The following GLT1D1 variants were observed in gnomAD, a reference collection of about 807,000 sequenced individuals.
GLT1D1 encodes glycosyltransferase 1 domain containing 1, also known as glycosyltransferase 1 domain-containing protein 1.
Under a neutral mutation model 28.7 loss-of-function variants are expected in GLT1D1, and 21 were observed. The ratio of observed to expected loss-of-function variants is 0.73; its 90% CI spans 0.52 to 1.05. The LOEUF (loss-of-function observed/expected upper bound fraction) is 1.05. GLT1D1 is among the 50% of genes least tolerant of loss of function. The pLI, the probability that GLT1D1 is intolerant of heterozygous loss-of-function variation, is 0.00. For synonymous variants in GLT1D1, 147 were observed against 124.8 expected, an observed-to-expected ratio of 1.18 and a Z score of -1.19; for missense variants, 343 against 330.6, an observed-to-expected ratio of 1.04 and a Z score of -0.29.
At chr12:128,871,255 T>G (rs115013332) in intron 1 of GLT1D1, among the ~76,000 whole-genome samples, 2 of 152,214 alleles carry the variant, frequency 1.3e-5, no homozygotes, top group African/African-American at 2.4e-5. Flanking sequence ...TTTTGTGTGA[T>G]GTATTTTATA....
intron 4 of GLT1D1, chr12:128,944,883 G>T: frequency 2.6e-6 from 1 of 384,840 alleles, no homozygotes. Flanking sequence ...GTGCCATGGT[G>T]GTTTGCTGCA....
chr12:128,983,390 T>C lies in GLT1D1; in HGVS notation c.*300T>C. 2.9e-6 allele frequency: 1 copy of C among 341,178 alleles called. No individual in the cohort carries two copies. Among genetic ancestry groups the C allele is most frequent in the Non-Finnish European group, 5.4e-6 (1 of 183,944 alleles). The allele number at this position is 341,178 out of a possible 1,614,324, so 21.1% of individuals were successfully genotyped here. ...CAGGGAATTTGGGAGAGAATTTGAT[T>C]ACCTGCCTTAGGGCTTTGGTGTGGA... On this transcript the variant is annotated 3_prime_UTR_variant, in exon 8 of 8. Coordinates refer to ENST00000281703, the MANE Select transcript of GLT1D1 (RefSeq NM_144669.3). This position sits in a 1 kb window ranked among gnomAD's most constrained non-coding sequence, Gnocchi z 4.7.
At chr12:128,937,962 AC>A (rs1258776225) in intron 4 of GLT1D1, among the ~76,000 whole-genome samples, 1 of 152,206 alleles carries the variant, frequency 6.6e-6, no homozygotes, top group Non-Finnish European at 1.5e-5. Context: ...GAATACGGAC[AC>A]GGTTGGGGTA....
At chr12:128,921,194 G>GTT (rs58436712) in intron 4 of GLT1D1, among the ~76,000 whole-genome samples, 1 of 144,066 alleles carries the variant, frequency 6.9e-6, no homozygotes, top group African/African-American at 2.5e-5. Flanking sequence ...CTTTCTTTTA[G>GTT]TTTTTTTTTT....
intron 4 of GLT1D1, among the ~76,000 whole-genome samples, chr12:128,938,183 G>T (rs1874757596): frequency 6.6e-6 from 1 of 152,290 alleles, no homozygotes; most frequent in Admixed American, 6.5e-5. Context: ...CTGAGCTTCA[G>T]TGTCTTCATT....
In GLT1D1 at chr12:128,875,899, T is replaced by C. The variant is rs1371199877; in HGVS notation, c.69-15T>C. On this transcript the variant is annotated splice_polypyrimidine_tract_variant and intron_variant, in intron 1 of 7. Coordinates refer to ENST00000281703, the MANE Select transcript of GLT1D1 (RefSeq NM_144669.3). ...TTCCCCTCATCTTCTCCTTTCTCTG[T>C]ATTTTTTGATAAAGGGCCCATCTAG... 3 of 1,609,478 alleles carry C rather than the reference T, an allele frequency of 1.9e-6. No individual in the cohort carries two copies. The highest frequency in any genetic ancestry group is 1.7e-5 in the Admixed American group (1 of 58,976).
At chr12:128,908,283 ATTTC>A (rs1474893292) in intron 4 of GLT1D1, among the ~76,000 whole-genome samples, 4 of 151,084 alleles carry the variant, frequency 2.6e-5, no homozygotes, top group Non-Finnish European at 5.9e-5. Context: ...TAGTTTCAAC[ATTTC>A]TTTCTCATCT....
intron 4 of GLT1D1, among the ~76,000 whole-genome samples, chr12:128,917,257 A>C (rs1231554951): frequency 6.6e-6 from 1 of 152,152 alleles, no homozygotes; most frequent in Non-Finnish European, 1.5e-5. Flanking sequence ...TTAGTCAATA[A>C]CTTTGTTTCA....
At chr12:128,959,412 G>GGGC (rs1555219949) in intron 7 of GLT1D1, among the ~76,000 whole-genome samples, 1 of 17,678 alleles carries the variant, frequency 5.7e-5, no homozygotes, top group Non-Finnish European at 9.0e-5. Context: ...ATGAGGCAGT[G>GGGC]GGGGGGGACG....
rs963240896 is a variant in GLT1D1, at chr12:128,853,585, C to A, written c.4C>A (p.Arg2=). ...TGGCCCGGGCGGCGGCGGCGGCATG[C>A]GGCTCCTGTTCCTGGCGGTGCTGCG... is the stretch of plus-strand genomic sequence containing the variant. Residue 2 remains arginine (R), a synonymous_variant, in exon 1 of 8, where the codon CGG becomes AGG. Transcript: ENST00000281703. 4 of 1,135,790 alleles carry A rather than the reference C, an allele frequency of 3.5e-6. No homozygotes were observed. Among genetic ancestry groups the A allele is most frequent in the African/African-American group, 3.3e-5 (2 of 60,080 alleles). The allele number at this position is 1,135,790 out of a possible 1,614,324, so 70.4% of individuals were successfully genotyped here.
At chr12:128,920,639 T>C (rs1039384301) in intron 4 of GLT1D1, among the ~76,000 whole-genome samples, 3 of 152,174 alleles carry the variant, frequency 2.0e-5, no homozygotes, top group South Asian at 4.1e-4. Context: ...TCAGCGTGGA[T>C]TGGGTTTCTG....
At chr12:128,945,114 G>A (rs559170782) in intron 4 of GLT1D1, 144 of 717,620 alleles carry the variant, frequency 2.0e-4, no homozygotes, top group East Asian at 7.2e-4. Context: ...GCTTTAGCTC[G>A]AAGTATTGAG....
intron 1 of GLT1D1, among the ~76,000 whole-genome samples, chr12:128,874,124 CTCTTT>C (rs1956807366): frequency 2.5e-5 from 1 of 39,232 alleles, no homozygotes; most frequent in African/African-American, 1.1e-4. Flanking sequence ...CTCTCTCTCT[CTCTTT>C]CTTTCTTTCT....
At chr12:128,882,270 C>T (rs1055750173) in intron 2 of GLT1D1, among the ~76,000 whole-genome samples, 1 of 148,094 alleles carries the variant, frequency 6.8e-6, no homozygotes, top group Admixed American at 6.8e-5. Context: ...GCAGGTATAA[C>T]GCAATTTTTT....
At chr12:128,944,948 GC>G in intron 4 of GLT1D1, 3 of 538,400 alleles carry the variant, frequency 5.6e-6, no homozygotes, top group Non-Finnish European at 9.9e-6. Flanking sequence ...CCCTCCTCCA[GC>G]CCCCGACCCC....
intron 4 of GLT1D1, among the ~76,000 whole-genome samples, chr12:128,940,439 C>T (rs923949322): frequency 6.6e-6 from 1 of 152,170 alleles, no homozygotes; most frequent in Non-Finnish European, 1.5e-5. Context: ...AACTGACACG[C>T]AGAGAGGTCC....
At chr12:128,980,177 T>A (rs1032444830) in intron 7 of GLT1D1, among the ~76,000 whole-genome samples, 9 of 152,198 alleles carry the variant, frequency 5.9e-5, no homozygotes, top group Non-Finnish European at 1.0e-4. Context: ...TTTGCCATAT[T>A]CTGTTGGTTG....
chr12:128,946,640 T>C, intron 5 of GLT1D1, among the ~76,000 whole-genome samples: 1 of 53,132 alleles, frequency 1.9e-5, no homozygotes, highest in African/African-American at 9.5e-5. Context: ...GCCTCCTTTT[T>C]TTTTTTTTTT....
intron 4 of GLT1D1, chr12:128,944,693 A>G: frequency 1.5e-6 from 1 of 679,056 alleles, no homozygotes; most frequent in Admixed American, 1.9e-5. Flanking sequence ...TCCAACAGCT[A>G]GACTGGGTGA....
Sources: allele counts gnomAD v4.1 joint callset (sites outside exome capture counted in the v4.1 genomes callset), GRCh38; gene constraint gnomAD v4.1.1; non-coding constraint Gnocchi (gnomAD v3.1); transcripts MANE v1.5; gene names NCBI Gene and HGNC (gene_info 2026-07-23, HGNC 2026-07-21).